The following BMPER variants were observed in gnomAD, a reference collection of about 807,000 sequenced individuals.
BMPER encodes the protein BMP binding endothelial regulator.
Under a neutral mutation model 87.3 loss-of-function variants are expected in BMPER, and 45 were observed. The observed-to-expected ratio is 0.52, with a 90% CI of 0.41 to 0.66. The LOEUF is 0.66. BMPER is among the 30% of genes least tolerant of loss of function. The pLI, the probability that BMPER is intolerant of heterozygous loss-of-function variation, is 0.00. For synonymous variants in BMPER, 326 were observed against 316.2 expected (o/e 1.03, Z -0.33); for missense variants, 784 against 867.5 (o/e 0.90, Z 1.21).
chr7:34,056,871 C>G lies in BMPER; in HGVS notation c.928-1188C>G, dbSNP rs1788299956. On this transcript the variant is annotated intron_variant, in intron 9 of 14. Transcript: ENST00000649409. Reference sequence around the variant, plus strand: ...GACCTTGTCGTCCACCCTCCGTGGCCTCCCAAAGTGCTGGGATTACAGGCG... The same window carrying G: ...GACCTTGTCGTCCACCCTCCGTGGCGTCCCAAAGTGCTGGGATTACAGGCG... Among the ~76,000 whole-genome samples, 7 of 152,312 alleles carry G rather than the reference C, an allele frequency of 4.6e-5. No individual in the cohort carries two copies. In the South Asian group the frequency reaches 1.5e-3, roughly 32 times the overall value.
chr7:34,065,246 CT>C (rs1788555255), intron 11 of BMPER, among the ~76,000 whole-genome samples: 2 of 148,868 alleles, frequency 1.3e-5, no homozygotes, highest in South Asian at 4.3e-4. Flanking sequence ...CTCTCTCTCT[CT>C]CCCTCTCTCT....
chr7:34,120,826 T>C lies in BMPER; in HGVS notation c.1746-22404T>C, dbSNP rs189535933. On this transcript the variant is annotated intron_variant, in intron 13 of 14. Coordinates refer to ENST00000649409, the MANE Select transcript of BMPER (RefSeq NM_001365308.1). ...TGAACTAGATATACTGATATGAATG[T>C]GCATAAATTGTGGAAACATAATATT... 1.8e-3 allele frequency among the ~76,000 whole-genome samples: 279 copies of C among 152,318 alleles called. 2 individuals carry two copies. Among genetic ancestry groups the C allele is most frequent in the African/African-American group, 6.1e-3 (252 of 41,570 alleles).
chr7:33,917,881 G>A (rs958504804), intron 2 of BMPER, among the ~76,000 whole-genome samples: 2 of 152,202 alleles, frequency 1.3e-5, no homozygotes, highest in Admixed American at 1.3e-4. Flanking sequence ...CTCTTTGGCT[G>A]TGGGTGACCT....
intron 2 of BMPER, among the ~76,000 whole-genome samples, chr7:33,908,135 T>C (rs1030211177): frequency 1.3e-5 from 2 of 152,180 alleles, no homozygotes; most frequent in African/African-American, 4.8e-5. Context: ...AGTAAATAAT[T>C]TGTTGAAAAG....
chr7:33,968,514 C>T (rs1196358744), intron 4 of BMPER, among the ~76,000 whole-genome samples: 1 of 152,146 alleles, frequency 6.6e-6, no homozygotes, highest in Non-Finnish European at 1.5e-5. Flanking sequence ...GAGGATACAG[C>T]GTAGGGCAGT....
At chr7:34,131,794 C>T (rs563842469) in intron 13 of BMPER, among the ~76,000 whole-genome samples, 7 of 152,240 alleles carry the variant, frequency 4.6e-5, no homozygotes, top group East Asian at 1.9e-4. Flanking sequence ...GCTGGCATCC[C>T]GGGGGATGGC....
At chr7:34,147,872 G>C (rs976523384) in intron 14 of BMPER, among the ~76,000 whole-genome samples, 1 of 152,154 alleles carries the variant, frequency 6.6e-6, no homozygotes, top group Non-Finnish European at 1.5e-5. Context: ...TCTTTTACAA[G>C]TTTGAAAAAA....
chr7:34,026,177 G>T (rs1787353147), intron 6 of BMPER, among the ~76,000 whole-genome samples: 1 of 152,030 alleles, frequency 6.6e-6, no homozygotes, highest in Admixed American at 6.6e-5. Context: ...TCTTTCTTTA[G>T]CCCTGATTAG....
chr7:34,055,649 G>A (rs1188875059), intron 9 of BMPER, among the ~76,000 whole-genome samples: 2 of 152,152 alleles, frequency 1.3e-5, no homozygotes, highest in East Asian at 3.9e-4. Flanking sequence ...TCCTTGTCAA[G>A]ATCCTGATGG....
At position 33,911,919 on chromosome 7, in the gene BMPER, C is replaced by T. The variant is rs114407797; in HGVS notation, c.219+5016C>T. On this transcript the variant is annotated intron_variant, in intron 2 of 14. Coordinates refer to ENST00000649409, the MANE Select transcript of BMPER (RefSeq NM_001365308.1). ...TTTCAAAAGAAAATGATAAAAGGGA[C>T]GACGGACGAGACATAGGAATAATGA... Among the ~76,000 whole-genome samples, 916 of 152,176 alleles carry T rather than the reference C, an allele frequency of 6.0e-3. 7 individuals are homozygous for T. Among genetic ancestry groups the T allele is most frequent in the African/African-American group, 0.02 (848 of 41,492 alleles).
At chr7:33,906,603 A>G (rs1456671481) in intron 1 of BMPER, among the ~76,000 whole-genome samples, 2 of 152,210 alleles carry the variant, frequency 1.3e-5, no homozygotes, top group East Asian at 1.9e-4. Flanking sequence ...TCCCTATATC[A>G]TAGTCTTTTC....
At chr7:34,022,271 G>C (rs1180251535) in intron 6 of BMPER, among the ~76,000 whole-genome samples, 1 of 152,000 alleles carries the variant, frequency 6.6e-6, no homozygotes, top group Non-Finnish European at 1.5e-5. Flanking sequence ...TTTTGCTGGT[G>C]ATGCTCTGCA....
intron 9 of BMPER, among the ~76,000 whole-genome samples, chr7:34,057,672 C>T (rs1788319418): frequency 6.6e-6 from 1 of 152,112 alleles, no homozygotes; most frequent in South Asian, 2.1e-4. Flanking sequence ...ATATTTTAGT[C>T]TTATCAAACG....
chr7:34,045,987 A>C (rs1248522704), intron 6 of BMPER, among the ~76,000 whole-genome samples: 2 of 152,190 alleles, frequency 1.3e-5, no homozygotes, highest in Admixed American at 6.5e-5. Flanking sequence ...TTCCAATCCC[A>C]AGCAAACAGA....
intron 2 of BMPER, among the ~76,000 whole-genome samples, chr7:33,917,484 CGGGCAATTATAA>C (rs1784113379): frequency 6.6e-6 from 1 of 151,924 alleles, no homozygotes; most frequent in African/African-American, 2.4e-5. Flanking sequence ...TGTAAACTGA[CGGGCAATTATAA>C]GGTTTCGTGC....
chr7:34,072,885 C>T (rs1788772669), intron 11 of BMPER, among the ~76,000 whole-genome samples: 2 of 152,108 alleles, frequency 1.3e-5, no homozygotes, highest in Admixed American at 1.3e-4. Context: ...AATTGGACTC[C>T]CATGAATTTG....
At chr7:34,151,464 A>G (rs1791174114) in intron 14 of BMPER, among the ~76,000 whole-genome samples, 1 of 152,234 alleles carries the variant, frequency 6.6e-6, no homozygotes, top group Non-Finnish European at 1.5e-5. Flanking sequence ...AGAGGTAGTG[A>G]ATATGAAAAT....
chr7:34,149,855 A>G (rs1166504983), intron 14 of BMPER, among the ~76,000 whole-genome samples: 1 of 152,158 alleles, frequency 6.6e-6, no homozygotes, highest in African/African-American at 2.4e-5. Context: ...ACATTAATGA[A>G]TTGCAGAAGA....
At position 33,987,568 on chromosome 7, in the gene BMPER, C is replaced by T. The variant is rs1243118932; in HGVS notation, c.576+12784C>T. On this transcript the variant is annotated intron_variant, in intron 6 of 14. Transcript: ENST00000649409. Reference sequence around the variant, plus strand: ...CAGACTTTGTTGTTTGGAGAGGACACGGCCTCCTTGATCTGGGTGCACCTT... The same window carrying T: ...CAGACTTTGTTGTTTGGAGAGGACATGGCCTCCTTGATCTGGGTGCACCTT... Among the ~76,000 whole-genome samples, 5 of 152,184 alleles carry T rather than the reference C, an allele frequency of 3.3e-5. No homozygotes were observed. In the South Asian group the frequency reaches 6.2e-4, roughly 19 times the overall value.
Sources: gnomAD v4.1 joint callset for allele counts (sites outside exome capture counted in the v4.1 genomes callset) on GRCh38, gnomAD v4.1.1 for gene constraint, MANE v1.5 for transcripts, NCBI Gene and HGNC (gene_info 2026-07-23, HGNC 2026-07-21) for gene names.